The following UVRAG variants were observed in gnomAD, a reference collection of about 807,000 sequenced individuals.
UVRAG encodes the protein UV radiation resistance associated.
A neutral mutation model predicts 78.0 loss-of-function variants in UVRAG; 19 were observed. The ratio of observed to expected loss-of-function variants is 0.24; its 90% CI spans 0.17 to 0.36. The LOEUF (loss-of-function observed/expected upper bound fraction) is 0.36. UVRAG is among the 10% of genes least tolerant of loss of function. The pLI, the probability that UVRAG is intolerant of heterozygous loss-of-function variation, is 1.00. For missense variants in UVRAG, 740 were observed against 853.8 expected (o/e 0.87, Z 1.66); for synonymous variants, 323 against 324.6 (o/e 1.00, Z 0.05).
At chr11:76,115,047 G>A (rs915917456) in intron 13 of UVRAG, among the ~76,000 whole-genome samples, 12 of 152,160 alleles carry the variant, frequency 7.9e-5, no homozygotes, top group Non-Finnish European at 1.8e-4. Context: ...TGTGTTTGAT[G>A]TGTGGATGAG....
intron 3 of UVRAG, among the ~76,000 whole-genome samples, chr11:75,870,874 T>C (rs1946632198): frequency 6.6e-6 from 1 of 152,034 alleles, no homozygotes; most frequent in Non-Finnish European, 1.5e-5. Context: ...TGCTTTATTT[T>C]ATTTTTTTTT....
At chr11:75,820,958 T>C (rs1198118380) in intron 1 of UVRAG, among the ~76,000 whole-genome samples, 2 of 152,192 alleles carry the variant, frequency 1.3e-5, no homozygotes, top group Non-Finnish European at 2.9e-5. Context: ...TAAAATTTGC[T>C]GTTTAAATAA....
At chr11:76,087,069 A>G (rs1226901858) in intron 13 of UVRAG, among the ~76,000 whole-genome samples, 2 of 152,160 alleles carry the variant, frequency 1.3e-5, no homozygotes, top group Admixed American at 6.5e-5. Context: ...CACTGCATCA[A>G]CTTCACTTGG....
intron 5 of UVRAG, among the ~76,000 whole-genome samples, chr11:75,889,278 C>G (rs895773327): frequency 1.3e-5 from 2 of 152,090 alleles, no homozygotes; most frequent in African/African-American, 2.4e-5. Flanking sequence ...AACTATGAAT[C>G]GGTTGTTTTA....
chr11:75,849,671 A>C (rs952683872), intron 1 of UVRAG, among the ~76,000 whole-genome samples: 2 of 152,208 alleles, frequency 1.3e-5, no homozygotes, highest in Non-Finnish European at 2.9e-5. Flanking sequence ...TTTTAATGCT[A>C]GATTAATAGG....
At chr11:75,931,127 CTCT>C (rs1011070405) in intron 6 of UVRAG, among the ~76,000 whole-genome samples, 62 of 151,514 alleles carry the variant, frequency 4.1e-4, no homozygotes, top group African/African-American at 1.5e-3. Flanking sequence ...GTTTGTTTCT[CTCT>C]TCTTTTCCTT....
chr11:76,126,845 G>A (rs1565171966), intron 14 of UVRAG, among the ~76,000 whole-genome samples: 1 of 152,042 alleles, frequency 6.6e-6, no homozygotes, highest in Non-Finnish European at 1.5e-5. Flanking sequence ...ACAAGACTTG[G>A]CTCCACAGTT....
chr11:75,958,704 A>C (rs1731817411), intron 6 of UVRAG, among the ~76,000 whole-genome samples: 1 of 152,198 alleles, frequency 6.6e-6, no homozygotes, highest in South Asian at 2.1e-4. Flanking sequence ...AATGTTCTGA[A>C]TGGCATTCAG....
intron 1 of UVRAG, among the ~76,000 whole-genome samples, chr11:75,819,126 A>G (rs1565328132): frequency 6.6e-6 from 1 of 152,218 alleles, no homozygotes; most frequent in Non-Finnish European, 1.5e-5. Context: ...TTCAATCTTC[A>G]TTAAGTCCTG....
At chr11:75,871,807 G>T (rs558671218) in intron 3 of UVRAG, among the ~76,000 whole-genome samples, 1 of 152,310 alleles carries the variant, frequency 6.6e-6, no homozygotes, top group South Asian at 2.1e-4. Flanking sequence ...CATCTTACCA[G>T]CAGTGTGAGA....
intron 8 of UVRAG, among the ~76,000 whole-genome samples, chr11:75,986,236 T>C (rs1398774745): frequency 1.3e-5 from 2 of 152,210 alleles, no homozygotes; most frequent in Non-Finnish European, 2.9e-5. Flanking sequence ...CAAAACGTTA[T>C]CGAAATAAGA....
intron 12 of UVRAG, among the ~76,000 whole-genome samples, chr11:76,057,169 A>G (rs749655030): frequency 2.6e-5 from 4 of 152,150 alleles, no homozygotes; most frequent in Non-Finnish European, 5.9e-5. Context: ...GCAGTGGAAA[A>G]TCTTTTGATG....
chr11:75,989,353 C>T (rs1949561918), intron 8 of UVRAG, among the ~76,000 whole-genome samples: 1 of 152,130 alleles, frequency 6.6e-6, no homozygotes, highest in South Asian at 2.1e-4. Context: ...CCGGCCACTT[C>T]TGGAACTTTC....
At chr11:76,122,714 C>T (rs977726339) in intron 14 of UVRAG, among the ~76,000 whole-genome samples, 6 of 152,154 alleles carry the variant, frequency 3.9e-5, no homozygotes, top group South Asian at 4.2e-4. Flanking sequence ...ATTAATGGTA[C>T]GGAAGATTTA....
At chr11:75,995,440 G>C (rs1015233224) in intron 8 of UVRAG, among the ~76,000 whole-genome samples, 12 of 148,224 alleles carry the variant, frequency 8.1e-5, no homozygotes, top group Non-Finnish European at 1.8e-4. Context: ...AAAAGTTGTT[G>C]CCAAAATAAA....
intron 1 of UVRAG, among the ~76,000 whole-genome samples, chr11:75,826,565 C>T (rs773829299): frequency 2.0e-5 from 3 of 152,184 alleles, no homozygotes; most frequent in Non-Finnish European, 4.4e-5. Flanking sequence ...TCTTTAAGGG[C>T]AGAGCACTCA....
chr11:75,949,311 C>T (rs1948640098), intron 6 of UVRAG, among the ~76,000 whole-genome samples: 1 of 151,936 alleles, frequency 6.6e-6, no homozygotes, highest in Admixed American at 6.6e-5. Context: ...GACTTTTTTC[C>T]CCCCTAATTT....
intron 4 of UVRAG, among the ~76,000 whole-genome samples, chr11:75,886,971 G>GTT (rs1192697394): frequency 2.5e-4 from 33 of 133,792 alleles, no homozygotes; most frequent in African/African-American, 4.6e-4. Context: ...CCTTAATTTT[G>GTT]TTTTTTTTTT....
chr11:76,031,242 A>G (rs777765369), intron 12 of UVRAG, among the ~76,000 whole-genome samples: 1 of 152,184 alleles, frequency 6.6e-6, no homozygotes, highest in Non-Finnish European at 1.5e-5. Flanking sequence ...TGATGGGGTT[A>G]TGTTCAGGGG....
Sources: allele counts gnomAD v4.1 joint callset (sites outside exome capture counted in the v4.1 genomes callset), GRCh38; gene constraint gnomAD v4.1.1; transcripts MANE v1.5; gene names NCBI Gene and HGNC (gene_info 2026-07-23, HGNC 2026-07-21).